Variants in ZMAT4 observed in about 807,000 individuals in gnomAD.
ZMAT4 encodes the protein zinc finger matrin-type 4.
Under a neutral mutation model 28.7 loss-of-function variants are expected in ZMAT4, and 17 were observed. The observed-to-expected ratio is 0.59, with a 90% CI of 0.41 to 0.89. ZMAT4 has a LOEUF of 0.89. Among genes scored for constraint, ZMAT4 ranks in the 40% least tolerant of loss-of-function variants. The pLI, the probability that ZMAT4 is intolerant of heterozygous loss-of-function variation, is 0.00. For missense variants in ZMAT4, 240 were observed against 283.8 expected, an observed-to-expected ratio of 0.85 and a Z score of 1.11; for synonymous variants, 117 against 109.2, an observed-to-expected ratio of 1.07 and a Z score of -0.44.
chr8:40,554,554 C>G (rs978613274), intron 6 of ZMAT4, among the ~76,000 whole-genome samples: 1 of 152,144 alleles, frequency 6.6e-6, no homozygotes, highest in Non-Finnish European at 1.5e-5. Flanking sequence ...TCTCATACCA[C>G]TTTCTCATTC....
At chr8:40,729,745 C>A (rs771604846) in intron 3 of ZMAT4, among the ~76,000 whole-genome samples, 1 of 152,030 alleles carries the variant, frequency 6.6e-6, no homozygotes, top group East Asian at 1.9e-4. Context: ...ACTACAGGCA[C>A]GTGCCACCAC....
rs143270412 is a variant in ZMAT4, at chr8:40,749,440, C to T, written c.192+18201G>A. Among the ~76,000 whole-genome samples, 671 of 152,184 alleles carry T rather than the reference C, an allele frequency of 4.4e-3. 2 individuals carry two copies. Among genetic ancestry groups the T allele is most frequent in the Non-Finnish European group, 7.0e-3 (473 of 68,006 alleles). The stretch of plus-strand genomic sequence containing the variant: ...CAGGAACTGGAGGCCCAACTTGACC[C>T]CAGGGGAGTTTTCAAAGCCTATGAC... On this transcript the variant is annotated intron_variant, in intron 3 of 6. Coordinates refer to ENST00000297737, the MANE Select transcript of ZMAT4 (RefSeq NM_024645.3).
At chr8:40,842,904 T>C (rs1049581408) in intron 1 of ZMAT4, among the ~76,000 whole-genome samples, 2 of 152,002 alleles carry the variant, frequency 1.3e-5, no homozygotes, top group Non-Finnish European at 2.9e-5. Context: ...GCCTCCGGAG[T>C]AGCTGGGATT....
In ZMAT4 at chr8:40,762,817, T is replaced by C. The variant is rs138324243; in HGVS notation, c.192+4824A>G. Among the ~76,000 whole-genome samples, 677 of 152,296 alleles carry C rather than the reference T, an allele frequency of 4.4e-3. 4 individuals carry two copies. Among genetic ancestry groups the C allele is most frequent in the African/African-American group, 0.016 (653 of 41,570 alleles). ...TGCCCATGCCTCAATTTCACACTTA[T>C]AGCCACCAGAACTGCCAGAGAATAA... On this transcript the variant is annotated intron_variant, in intron 3 of 6. Transcript: ENST00000297737.
intron 3 of ZMAT4, among the ~76,000 whole-genome samples, chr8:40,748,374 G>T (rs369759330): frequency 6.6e-6 from 1 of 152,174 alleles, no homozygotes; most frequent in African/African-American, 2.4e-5. Context: ...AGAATGACAT[G>T]CTCAAATAGC....
At chr8:40,576,566 T>C (rs1191793019) in intron 6 of ZMAT4, among the ~76,000 whole-genome samples, 3 of 149,034 alleles carry the variant, frequency 2.0e-5, no homozygotes, top group Non-Finnish European at 4.4e-5. Flanking sequence ...AAGAATACTA[T>C]ACCCTGGAAG....
At position 40,573,512 on chromosome 8, in the gene ZMAT4, G is replaced by T. The variant is rs116180369; in HGVS notation, c.674+7653C>A. On this transcript the variant is annotated intron_variant, in intron 6 of 6. Transcript: ENST00000297737. ...TAAAGTCACCAGGCATTGGATTTAA[G>T]GCTTACTGTAGATTTCGGATGATTT... 3.6e-3 allele frequency among the ~76,000 whole-genome samples: 551 copies of T among 152,198 alleles called. 3 individuals carry two copies. Among genetic ancestry groups the T allele is most frequent in the African/African-American group, 0.012 (519 of 41,538 alleles).
At chr8:40,641,128 A>C (rs1807009322) in intron 5 of ZMAT4, among the ~76,000 whole-genome samples, 1 of 152,186 alleles carries the variant, frequency 6.6e-6, no homozygotes, top group South Asian at 2.1e-4. Context: ...AGTAAGAATT[A>C]TTTTGTAAAT....
At chr8:40,752,636 A>G (rs1195802417) in intron 3 of ZMAT4, among the ~76,000 whole-genome samples, 4 of 152,144 alleles carry the variant, frequency 2.6e-5, no homozygotes, top group East Asian at 3.9e-4. Flanking sequence ...AGTCATTTGG[A>G]AACCTCCTTT....
At chr8:40,813,757 A>C (rs964547398) in intron 2 of ZMAT4, among the ~76,000 whole-genome samples, 8 of 152,234 alleles carry the variant, frequency 5.3e-5, no homozygotes, top group Admixed American at 1.3e-4. Context: ...TTAATGAAAA[A>C]CATCAATGGG....
chr8:40,849,492 C>T (rs914369486), intron 1 of ZMAT4, among the ~76,000 whole-genome samples: 1 of 152,126 alleles, frequency 6.6e-6, no homozygotes, highest in Non-Finnish European at 1.5e-5. Context: ...TCTCTTGGGT[C>T]CCAAAAACTT....
intron 6 of ZMAT4, among the ~76,000 whole-genome samples, chr8:40,567,083 T>C (rs944546264): frequency 1.4e-4 from 22 of 152,036 alleles, no homozygotes; most frequent in African/African-American, 4.1e-4. Flanking sequence ...GGCACTTACA[T>C]AAGGAAGAGA....
In ZMAT4 at chr8:40,829,940, G is replaced by A. The variant is rs187814975; in HGVS notation, c.-4-4260C>T. 1.0e-3 allele frequency among the ~76,000 whole-genome samples: 154 copies of A among 152,172 alleles called. 1 individual carries two copies. The highest frequency in any genetic ancestry group is 3.5e-3 in the African/African-American group (147 of 41,526). ...TAATTTGGAATAATTTAACATAAGGGGGAAGGCAGAAAAATGCAAGGAAGA... is the reference window on the plus strand; with the variant it reads ...TAATTTGGAATAATTTAACATAAGGAGGAAGGCAGAAAAATGCAAGGAAGA... On this transcript the variant is annotated intron_variant, in intron 1 of 6. Coordinates refer to ENST00000297737, the MANE Select transcript of ZMAT4 (RefSeq NM_024645.3).
intron 6 of ZMAT4, among the ~76,000 whole-genome samples, chr8:40,551,044 C>T (rs1803355213): frequency 6.6e-6 from 1 of 152,120 alleles, no homozygotes; most frequent in African/African-American, 2.4e-5. Context: ...TATTATGCTT[C>T]ATTTGTTTAT....
At chr8:40,656,269 T>C (rs974500790) in intron 5 of ZMAT4, among the ~76,000 whole-genome samples, 1 of 152,108 alleles carries the variant, frequency 6.6e-6, no homozygotes, top group African/African-American at 2.4e-5. Flanking sequence ...TATTCTAGGA[T>C]AGGCAGAATA....
At chr8:40,715,915 A>G (rs148955592) in intron 3 of ZMAT4, among the ~76,000 whole-genome samples, 220 of 152,336 alleles carry the variant, frequency 1.4e-3, no homozygotes, top group African/African-American at 5.1e-3. Flanking sequence ...CTGCTAAGGC[A>G]TCAACACGAA....
chr8:40,830,303 G>A (rs1425791111), intron 1 of ZMAT4, among the ~76,000 whole-genome samples: 4 of 151,984 alleles, frequency 2.6e-5, no homozygotes, highest in Admixed American at 6.6e-5. Context: ...TACCCACTAG[G>A]TAATGGTATA....
chr8:40,822,441 C>T (rs1168464249), intron 2 of ZMAT4, among the ~76,000 whole-genome samples: 1 of 152,166 alleles, frequency 6.6e-6, no homozygotes, highest in Non-Finnish European at 1.5e-5. Context: ...CTAAGTGTGA[C>T]AGCAATTTCA....
intron 3 of ZMAT4, among the ~76,000 whole-genome samples, chr8:40,722,168 A>T (rs562547307): frequency 5.6e-4 from 85 of 152,138 alleles, no homozygotes; most frequent in Admixed American, 9.2e-4. Flanking sequence ...GCCAAAATTG[A>T]CAAATGGGAT....
Sources: allele counts gnomAD v4.1 joint callset (sites outside exome capture counted in the v4.1 genomes callset), GRCh38; gene constraint gnomAD v4.1.1; transcripts MANE v1.5; gene names NCBI Gene and HGNC (gene_info 2026-07-23, HGNC 2026-07-21).